DLGAP2: variants seen among roughly 807,000 people sequenced by gnomAD.
The protein encoded by DLGAP2 is disks large-associated protein 2.
DLGAP2 carries 26 observed loss-of-function variants against 100.3 expected under a neutral mutation model. That is an observed-to-expected ratio of 0.26 (90% CI 0.19 to 0.36). The LOEUF is 0.36. DLGAP2 is among the 10% of genes least tolerant of loss of function. The pLI is 1.00. For missense variants in DLGAP2, 1,858 were observed against 1,453.2 expected (o/e 1.28, Z -4.53); for synonymous variants, 886 against 630.1 (o/e 1.41, Z -6.08).
intron 3 of DLGAP2, among the ~76,000 whole-genome samples, chr8:1,494,954 GT>G (rs1357872060): frequency 6.6e-6 from 1 of 152,222 alleles, no homozygotes; most frequent in African/African-American, 2.4e-5. Context: ...TAATGACAGA[GT>G]GGTAGGGTGT....
At chr8:1,219,210 G>T (rs1332023596) in intron 2 of DLGAP2, among the ~76,000 whole-genome samples, 1 of 152,134 alleles carries the variant, frequency 6.6e-6, no homozygotes, top group Non-Finnish European at 1.5e-5. Flanking sequence ...GTTCTCAAGG[G>T]AAATGCCTCC....
intron 1 of DLGAP2, among the ~76,000 whole-genome samples, chr8:899,547 C>T (rs1017937227): frequency 2.6e-5 from 4 of 152,170 alleles, no homozygotes; most frequent in Non-Finnish European, 5.9e-5. Flanking sequence ...TGGCAGGCAC[C>T]TCATCTCTTA....
intron 2 of DLGAP2, among the ~76,000 whole-genome samples, chr8:1,084,927 T>G (rs931369682): frequency 1.1e-4 from 16 of 152,216 alleles, no homozygotes; most frequent in African/African-American, 3.9e-4. Flanking sequence ...TCTTTTTAAT[T>G]CCTGAGACAC....
intron 2 of DLGAP2, among the ~76,000 whole-genome samples, chr8:1,108,845 G>A (rs1319945469): frequency 7.3e-6 from 1 of 136,474 alleles, no homozygotes; most frequent in East Asian, 2.3e-4. Flanking sequence ...AAGTGTGCTG[G>A]GTCTGTGAGG....
intron 3 of DLGAP2, among the ~76,000 whole-genome samples, chr8:1,436,152 C>T (rs934217148): frequency 6.6e-6 from 1 of 152,200 alleles, no homozygotes; most frequent in Non-Finnish European, 1.5e-5. Flanking sequence ...ACTCCCACCA[C>T]AAGCCGTCTG....
chr8:1,019,703 A>T (rs1199416944), intron 2 of DLGAP2: 2 of 152,112 alleles, frequency 1.3e-5, no homozygotes, highest in Non-Finnish European at 2.9e-5. Context: ...ATATGTCTAG[A>T]ATTCATGTCT....
intron 3 of DLGAP2, among the ~76,000 whole-genome samples, chr8:1,441,776 G>A (rs1030968153): frequency 2.7e-5 from 4 of 148,280 alleles, no homozygotes; most frequent in South Asian, 2.1e-4. Context: ...GCTTTCAACA[G>A]CTTGACCAGT....
chr8:777,342 C>CCATTTA (rs1821550532), intron 1 of DLGAP2, among the ~76,000 whole-genome samples: 1 of 151,984 alleles, frequency 6.6e-6, no homozygotes, highest in East Asian at 1.9e-4. Context: ...AGCATTTAGT[C>CCATTTA]CATTTACATT....
At chr8:766,702 G>A (rs189526247) in intron 1 of DLGAP2, among the ~76,000 whole-genome samples, 73 of 152,290 alleles carry the variant, frequency 4.8e-4, no homozygotes, top group Non-Finnish European at 1.0e-3. Flanking sequence ...TCTTTGAAAA[G>A]CAGCTTTTGT....
chr8:1,033,975 C>T (rs546250719), intron 2 of DLGAP2, among the ~76,000 whole-genome samples: 2 of 132,506 alleles, frequency 1.5e-5, no homozygotes, highest in South Asian at 5.2e-4. Context: ...CGCGTGTCAC[C>T]GTGAGTGGAC....
At chr8:1,307,589 G>C (rs1030932432) in intron 3 of DLGAP2, among the ~76,000 whole-genome samples, 1 of 152,176 alleles carries the variant, frequency 6.6e-6, no homozygotes, top group African/African-American at 2.4e-5. Flanking sequence ...ATTAGTTACA[G>C]TAGCCAAAGA....
intron 5 of DLGAP2, among the ~76,000 whole-genome samples, chr8:1,562,272 T>TC (rs1802198435): frequency 1.1e-4 from 2 of 18,822 alleles, no homozygotes; most frequent in Non-Finnish European, 9.6e-5. Flanking sequence ...TGTGTGGTGT[T>TC]GGGTGTCGGC....
chr8:1,338,292 C>A (rs1801334268), intron 3 of DLGAP2, among the ~76,000 whole-genome samples: 1 of 152,200 alleles, frequency 6.6e-6, no homozygotes, highest in Admixed American at 6.5e-5. Flanking sequence ...CCCCATTAGC[C>A]CATCTGCTGG....
At chr8:1,639,181 G>A (rs1797839008) in intron 8 of DLGAP2, among the ~76,000 whole-genome samples, 1 of 152,216 alleles carries the variant, frequency 6.6e-6, no homozygotes. Context: ...CCAGAGCCAT[G>A]GAGCCACCCC....
chr8:1,576,103 A>C lies in DLGAP2; in HGVS notation c.1442+10209A>C, dbSNP rs185832728. On this transcript the variant is annotated intron_variant, in intron 6 of 14. Transcript: ENST00000637795. ...CCACCAACAGTGTAAAAGTGTTCCTATTTCTCCACATCCTCTCCAGCACCT... is the reference window on the plus strand; with the variant it reads ...CCACCAACAGTGTAAAAGTGTTCCTCTTTCTCCACATCCTCTCCAGCACCT... Among the ~76,000 whole-genome samples, 361 of 152,148 alleles carry C rather than the reference A, an allele frequency of 2.4e-3. 1 individual carries two copies. The highest frequency in any genetic ancestry group is 4.4e-3 in the South Asian group (21 of 4,808).
chr8:1,313,177 C>T (rs1224466631), intron 3 of DLGAP2, among the ~76,000 whole-genome samples: 1 of 152,154 alleles, frequency 6.6e-6, no homozygotes, highest in Non-Finnish European at 1.5e-5. Flanking sequence ...CACTGTAAAA[C>T]AAAACAGGCC....
chr8:1,359,453 G>T (rs1034798262), intron 3 of DLGAP2, among the ~76,000 whole-genome samples: 14 of 152,274 alleles, frequency 9.2e-5, no homozygotes, highest in Non-Finnish European at 1.9e-4. Context: ...GCCCAGGAAC[G>T]TGGGCGTGGG....
In DLGAP2 at chr8:1,257,590, G is replaced by A. The variant is rs141123802; in HGVS notation, c.74-1261G>A. On this transcript the variant is annotated intron_variant, in intron 2 of 14. Coordinates refer to ENST00000637795, the MANE Select transcript of DLGAP2 (RefSeq NM_001346810.2). Reference sequence around the variant, plus strand: ...TTCAGGCCAGATGGCATTACGTGGCGTCTCCTCTGTGGGCCCCGGGCTGTC... The same window carrying A: ...TTCAGGCCAGATGGCATTACGTGGCATCTCCTCTGTGGGCCCCGGGCTGTC... Among the ~76,000 whole-genome samples the A allele has an allele frequency of 2.1e-3, 321 of 152,262 alleles. 1 individual carries two copies. The highest frequency in any genetic ancestry group is 6.5e-3 in the African/African-American group (268 of 41,534).
At chr8:1,270,631 C>T (rs945251889) in intron 3 of DLGAP2, among the ~76,000 whole-genome samples, 3 of 152,016 alleles carry the variant, frequency 2.0e-5, no homozygotes, top group Admixed American at 6.6e-5. Context: ...GACGTTCTCC[C>T]AGTAAAATTT....
Sources: gnomAD v4.1 joint callset for allele counts (sites outside exome capture counted in the v4.1 genomes callset) on GRCh38, gnomAD v4.1.1 for gene constraint, MANE v1.5 for transcripts, NCBI Gene and HGNC (gene_info 2026-07-23, HGNC 2026-07-21) for gene names.